The following RBFOX1 variants were observed in gnomAD, a reference collection of about 807,000 sequenced individuals.
RBFOX1 encodes RNA binding protein fox-1 homolog 1.
RBFOX1 carries 8 observed loss-of-function variants against 57.7 expected under a neutral mutation model. That is an observed-to-expected ratio of 0.14 (90% CI 0.08 to 0.25). The LOEUF (loss-of-function observed/expected upper bound fraction) is 0.25. Ranked by LOEUF, RBFOX1 falls within the 10% of genes least tolerant of loss-of-function variation. The pLI, the probability that RBFOX1 is intolerant of heterozygous loss-of-function variation, is 1.00. For missense variants in RBFOX1, 611 were observed against 548.5 expected (o/e 1.11, Z -1.14); for synonymous variants, 326 against 222.4 (o/e 1.47, Z -4.15).
intron 3 of RBFOX1, among the ~76,000 whole-genome samples, chr16:6,824,618 T>G (rs947331057): frequency 6.6e-6 from 1 of 152,196 alleles, no homozygotes; most frequent in Non-Finnish European, 1.5e-5. Flanking sequence ...GTCAACAGAT[T>G]ACTCTGAAGA....
At chr16:7,397,795 A>C (rs2098167191) in intron 4 of RBFOX1, among the ~76,000 whole-genome samples, 1 of 152,164 alleles carries the variant, frequency 6.6e-6, no homozygotes, top group Non-Finnish European at 1.5e-5. Context: ...ACAGGTGTTA[A>C]AGAGTTCTGG....
chr16:7,418,329 A>G (rs2098504528), intron 4 of RBFOX1, among the ~76,000 whole-genome samples: 1 of 152,186 alleles, frequency 6.6e-6, no homozygotes, highest in African/African-American at 2.4e-5. Flanking sequence ...CTTCATGCCC[A>G]ATTTTCACAG....
intron 4 of RBFOX1, among the ~76,000 whole-genome samples, chr16:7,107,551 A>C (rs1212224703): frequency 6.6e-6 from 1 of 152,094 alleles, no homozygotes; most frequent in African/African-American, 2.4e-5. Context: ...CATACCTGAC[A>C]AACTTGACTG....
Position 5,825,800 on chromosome 16 carries a change from T to A in RBFOX1, c.319-41503T>A, listed in dbSNP as rs62014135. Among the ~76,000 whole-genome samples, 227 of 57,396 alleles carry A rather than the reference T, an allele frequency of 4.0e-3. 1 individual carries two copies. The highest frequency in any genetic ancestry group is 0.018 in the Middle Eastern group (2 of 114). The allele number at this position is 57,396 out of a possible 152,430, so 37.7% of individuals were successfully genotyped here. ...TAATATGAATAAGGAATAATATTCC[T>A]TAATATGAATAAGGAATAATATTCC... is the stretch of plus-strand genomic sequence containing the variant. On this transcript the variant is annotated intron_variant, in intron 3 of 19. Coordinates refer to the RBFOX1 transcript ENST00000641259.
At chr16:6,613,635 A>G (rs2098101016) in intron 2 of RBFOX1, among the ~76,000 whole-genome samples, 5 of 152,244 alleles carry the variant, frequency 3.3e-5, no homozygotes, top group Admixed American at 3.3e-4. Context: ...TATTCAGTAG[A>G]ATAAGCAACT....
intron 3 of RBFOX1, among the ~76,000 whole-genome samples, chr16:6,968,931 C>G (rs2084903860): frequency 6.6e-6 from 1 of 151,976 alleles, no homozygotes; most frequent in Non-Finnish European, 1.5e-5. Flanking sequence ...GGAAAGTTCC[C>G]AGTCCCACAG....
At chr16:7,210,895 T>C (rs2090993270) in intron 4 of RBFOX1, among the ~76,000 whole-genome samples, 1 of 151,808 alleles carries the variant, frequency 6.6e-6, no homozygotes, top group Admixed American at 6.6e-5. Flanking sequence ...GGGTAGATTC[T>C]AGGTACTCTC....
At chr16:6,590,913 G>A (rs1194031089) in intron 2 of RBFOX1, among the ~76,000 whole-genome samples, 1 of 152,150 alleles carries the variant, frequency 6.6e-6, no homozygotes, top group Non-Finnish European at 1.5e-5. Flanking sequence ...TGCACATTTA[G>A]GTTAGTATAG....
intron 2 of RBFOX1, among the ~76,000 whole-genome samples, chr16:6,389,928 A>G (rs2092510364): frequency 1.3e-5 from 2 of 152,174 alleles, no homozygotes. Flanking sequence ...CAGCATTTCC[A>G]GCAGAAATGC....
chr16:6,574,899 G>A (rs938242084), intron 2 of RBFOX1, among the ~76,000 whole-genome samples: 21 of 151,400 alleles, frequency 1.4e-4, no homozygotes, highest in Non-Finnish European at 2.7e-4. Flanking sequence ...TTTGGCAGGC[G>A]TGGTGGCGGG....
intron 3 of RBFOX1, among the ~76,000 whole-genome samples, chr16:6,920,559 C>A (rs181410198): frequency 4.5e-4 from 69 of 152,308 alleles, no homozygotes; most frequent in Non-Finnish European, 7.4e-4. Flanking sequence ...CTTGAAACAA[C>A]AGAAATTTAT....
chr16:6,220,206 G>T (rs1427703718), intron 1 of RBFOX1, among the ~76,000 whole-genome samples: 1 of 152,008 alleles, frequency 6.6e-6, no homozygotes, highest in Non-Finnish European at 1.5e-5. Flanking sequence ...GTGTGTATAT[G>T]TATATATACA....
At chr16:6,240,980 A>G (rs1271347177) in intron 1 of RBFOX1, among the ~76,000 whole-genome samples, 1 of 152,172 alleles carries the variant, frequency 6.6e-6, no homozygotes, top group Non-Finnish European at 1.5e-5. Context: ...CCTTTACCGT[A>G]GATACTCCTT....
intron 1 of RBFOX1, among the ~76,000 whole-genome samples, chr16:5,430,756 A>G (rs544551760): frequency 2.4e-4 from 37 of 152,358 alleles, no homozygotes; most frequent in Admixed American, 1.6e-3. Context: ...TTGTAGTAAT[A>G]TAAGTATTTT....
chr16:6,311,496 A>G (rs1034108183), intron 1 of RBFOX1, among the ~76,000 whole-genome samples: 1 of 152,128 alleles, frequency 6.6e-6, no homozygotes, highest in Non-Finnish European at 1.5e-5. Flanking sequence ...AAGTCAAAGG[A>G]TATTCCATGC....
chr16:5,858,074 A>G (rs926398136), intron 3 of RBFOX1, among the ~76,000 whole-genome samples: 3 of 152,132 alleles, frequency 2.0e-5, no homozygotes, highest in Non-Finnish European at 2.9e-5. Context: ...GTTTTTAAGG[A>G]TCTTTGTCTG....
intron 4 of RBFOX1, among the ~76,000 whole-genome samples, chr16:7,377,493 A>G (rs547279565): frequency 1.3e-5 from 2 of 152,196 alleles, no homozygotes; most frequent in Admixed American, 6.5e-5. Context: ...AATCATTTGG[A>G]AAAAAAATAC....
At chr16:6,702,770 GACATA>G (rs1206083764) in intron 3 of RBFOX1, among the ~76,000 whole-genome samples, 4 of 152,240 alleles carry the variant, frequency 2.6e-5, no homozygotes, top group East Asian at 1.9e-4. Flanking sequence ...TGGTAAAATA[GACATA>G]ACATAAAATG....
intron 3 of RBFOX1, among the ~76,000 whole-genome samples, chr16:6,694,603 T>G (rs1001584561): frequency 3.3e-5 from 5 of 152,308 alleles, no homozygotes; most frequent in African/African-American, 1.2e-4. Flanking sequence ...CTCAGTCTCA[T>G]GTTTGCCATC....
Sources: allele counts gnomAD v4.1 joint callset (sites outside exome capture counted in the v4.1 genomes callset), GRCh38; gene constraint gnomAD v4.1.1; transcripts MANE v1.5; gene names NCBI Gene and HGNC (gene_info 2026-07-23, HGNC 2026-07-21).